Variants in ZNF18 observed in about 807,000 individuals in gnomAD.
The protein encoded by ZNF18 is heart development-specific gene 1 protein.
A neutral mutation model predicts 58.1 loss-of-function variants in ZNF18; 42 were observed. The observed-to-expected ratio is 0.72, with a 90% CI of 0.56 to 0.93. The LOEUF (loss-of-function observed/expected upper bound fraction) is 0.93, where lower values mean the gene tolerates loss of function less well. Among genes scored for constraint, ZNF18 ranks in the 40% least tolerant of loss-of-function variants. The pLI is 0.00. For synonymous variants in ZNF18, 231 were observed against 239.8 expected, an observed-to-expected ratio of 0.96 and a Z score of 0.34; for missense variants, 540 against 644.2, an observed-to-expected ratio of 0.84 and a Z score of 1.75.
Position 11,977,988 on chromosome 17 carries a change from C to A in ZNF18, c.1619G>T (p.Arg540Ile). The change falls in exon 7 of 7, where the codon AGA (arginine) becomes ATA (isoleucine). Residue 540 changes from arginine to isoleucine, a missense_variant. By Grantham distance (97) the Arg-to-Ile change is moderately conservative. Coordinates refer to ENST00000580306, the MANE Select transcript of ZNF18 (RefSeq NM_001303281.2). ...AAAGGGCTTCTTTCCTAAGTGGGATCTTTGATGTTTGTCAAGGCTCGAGCT... is the reference window on the plus strand; with the variant it reads ...AAAGGGCTTCTTTCCTAAGTGGGATATTTGATGTTTGTCAAGGCTCGAGCT... Reference protein sequence around the residue: ...SWSSSLDKHQRSHLGKKPFQ With the variant: ...SWSSSLDKHQISHLGKKPFQ The A allele has an allele frequency of 6.3e-7, 1 of 1,589,262 alleles. No individual in the cohort carries two copies. The highest frequency in any genetic ancestry group is 8.6e-7 in the Non-Finnish European group (1 of 1,168,172).
chr17:12,020,372 G>T, the ZNF18 span, among the ~76,000 whole-genome samples: 3 of 152,278 alleles, frequency 2.0e-5, no homozygotes, highest in African/African-American at 7.2e-5. Flanking sequence ...AAGTGTAGAG[G>T]GTTGGGGTAT....
At chr17:11,983,452 A>T (rs771996786) in intron 5 of ZNF18, 45 bp from the exon 6 acceptor site, 2 of 1,475,532 alleles carry the variant, frequency 1.4e-6, no homozygotes, top group Non-Finnish European at 1.9e-6. Flanking sequence ...AATAGGGAAG[A>T]CTGGGAGCTC....
chr17:12,010,297 T>A, the ZNF18 span, among the ~76,000 whole-genome samples: 1 of 152,222 alleles, frequency 6.6e-6, no homozygotes, highest in Non-Finnish European at 1.5e-5. Flanking sequence ...AGAAACTCAG[T>A]ACATTTATTT....
chr17:11,983,189 G>A (rs888473379), intron 6 of ZNF18, 108 bp downstream of exon 6: 32 of 747,556 alleles, frequency 4.3e-5, no homozygotes, highest in Middle Eastern at 6.7e-4. Flanking sequence ...TATAACCAAC[G>A]TAATAGAATA....
At chr17:12,006,744 A>G in the ZNF18 span, among the ~76,000 whole-genome samples, 1 of 152,164 alleles carries the variant, frequency 6.6e-6, no homozygotes, top group African/African-American at 2.4e-5. Context: ...AAGCTCAAAA[A>G]AAAGAACTGA....
At chr17:12,003,865 T>C in the ZNF18 span, among the ~76,000 whole-genome samples, 1 of 152,220 alleles carries the variant, frequency 6.6e-6, no homozygotes, top group South Asian at 2.1e-4. Context: ...GCACATATGT[T>C]GAACAGGCTT....
rs754243169 is a variant in ZNF18, at chr17:11,992,677, C to T, written c.153G>A (p.Val51=). 2 of 1,614,266 alleles carry T rather than the reference C, an allele frequency of 1.2e-6. No homozygotes were observed. The highest frequency in any genetic ancestry group is 1.7e-5 in the Admixed American group (1 of 60,030). Residue 51 remains valine, a synonymous_variant, in exon 2 of 7, where the codon GTG becomes GTA. Transcript: ENST00000580306. ...TCAAGGTCTCATGAGGCCCAGACATCACCTGGTAACGGAACTGCCTGAAAA... is the reference window on the plus strand; with the variant it reads ...TCAAGGTCTCATGAGGCCCAGACATTACCTGGTAACGGAACTGCCTGAAAA... The part of the protein sequence containing the change: ...RQLFRQFRYQ[V]MSGPHETLKQ...
the ZNF18 span, among the ~76,000 whole-genome samples, chr17:12,016,630 C>CTT: frequency 6.9e-6 from 1 of 145,486 alleles, no homozygotes; most frequent in East Asian, 2.0e-4. Context: ...GTGCCCAGTC[C>CTT]TTTTTTTTTT....
the ZNF18 span, among the ~76,000 whole-genome samples, chr17:12,006,595 T>C: frequency 6.6e-6 from 1 of 152,138 alleles, no homozygotes; most frequent in Non-Finnish European, 1.5e-5. Flanking sequence ...GTACTGAGCA[T>C]AAATTATTAC....
At chr17:12,015,259 A>G in the ZNF18 span, among the ~76,000 whole-genome samples, 1 of 152,322 alleles carries the variant, frequency 6.6e-6, no homozygotes, top group African/African-American at 2.4e-5. Context: ...TGAGTTAGCC[A>G]GAGATGCTTG....
the ZNF18 span, among the ~76,000 whole-genome samples, chr17:12,014,484 C>A: frequency 7.9e-5 from 12 of 152,200 alleles, no homozygotes; most frequent in East Asian, 1.2e-3. Flanking sequence ...ATACATGGTA[C>A]AACATAGATG....
chr17:11,982,091 C>T (rs78096889), intron 6 of ZNF18, among the ~76,000 whole-genome samples: 1,728 of 152,234 alleles, frequency 0.011, 36 homozygotes, highest in African/African-American at 0.039. Context: ...CCCAACCCCC[C>T]TCTCTGCTAT....
rs753763399 is a variant in ZNF18 at position 11,978,369 on chromosome 17, C to T, written c.1238G>A (p.Cys413Tyr). ...MAQKLPTCRE[C>Y]GKTFYRNSQL... ...AGAATTCCTATAAAAGGTCTTCCCA[C>T]ACTCCCTGCAGGTGGGGAGCTTCTG... The change falls in exon 7 of 7, where the codon TGT becomes TAT. Residue 413 changes from cysteine (C) to tyrosine (Y), a missense_variant. Coordinates refer to ENST00000580306, the MANE Select transcript of ZNF18 (RefSeq NM_001303281.2). 4.6e-5 allele frequency: 72 copies of T among 1,563,072 alleles called. No individual in the cohort carries two copies. The East Asian group carries it at 1.5e-3, about 34-fold the overall frequency.
chr17:12,017,376 A>C, the ZNF18 span, among the ~76,000 whole-genome samples: 1 of 152,138 alleles, frequency 6.6e-6, no homozygotes, highest in African/African-American at 2.4e-5. Flanking sequence ...AACATCCGTC[A>C]CTGGGTGGCC....
intron 4 of ZNF18, 62 bp downstream of exon 4, chr17:11,990,400 A>C (rs1247274224): frequency 2.9e-6 from 4 of 1,392,302 alleles, no homozygotes; most frequent in Non-Finnish European, 3.0e-6. Context: ...GAAGAGAAGC[A>C]GGAGGATGAG....
At chr17:11,988,641 T>A (rs1967903325) in intron 4 of ZNF18, among the ~76,000 whole-genome samples, 2 of 152,168 alleles carry the variant, frequency 1.3e-5, no homozygotes, top group African/African-American at 4.8e-5. Context: ...GGCATCAGAT[T>A]ACTCAGAATA....
chr17:11,984,842 T>C (rs1190044029), intron 4 of ZNF18, among the ~76,000 whole-genome samples: 1 of 152,154 alleles, frequency 6.6e-6, no homozygotes, highest in Non-Finnish European at 1.5e-5. Context: ...TTTTGTTTTT[T>C]AACTCAAGTG....
the ZNF18 span, among the ~76,000 whole-genome samples, chr17:12,012,506 T>C: frequency 6.6e-6 from 1 of 152,212 alleles, no homozygotes; most frequent in Non-Finnish European, 1.5e-5. Flanking sequence ...AAAGGGTATA[T>C]ACATTTTTAA....
chr17:12,001,326 G>A (rs2151493087), upstream of ZNF18, among the ~76,000 whole-genome samples: 1 of 152,248 alleles, frequency 6.6e-6, no homozygotes, highest in African/African-American at 2.4e-5. Context: ...GGTAACCGTA[G>A]TTAATAATAA....
Sources: gnomAD v4.1 joint callset for allele counts (sites outside exome capture counted in the v4.1 genomes callset) on GRCh38, gnomAD v4.1.1 for gene constraint, MANE v1.5 for transcripts, NCBI Gene and HGNC (gene_info 2026-07-23, HGNC 2026-07-21) for gene names.